Variants in GRM5 observed in about 807,000 individuals in gnomAD.
GRM5 encodes metabotropic glutamate receptor 5.
In GRM5, 19 loss-of-function variants were observed where a neutral mutation model predicts 83.1. The observed-to-expected ratio is 0.23, with a 90% CI of 0.16 to 0.34. The LOEUF (loss-of-function observed/expected upper bound fraction) is 0.34, where lower values mean the gene tolerates loss of function less well. GRM5 is among the 10% of genes least tolerant of loss of function. GRM5 has a pLI of 1.00. For synonymous variants in GRM5, 675 were observed against 633.6 expected (o/e 1.07, Z -0.98); for missense variants, 1,160 against 1,588.3 (o/e 0.73, Z 4.58).
intron 2 of GRM5, among the ~76,000 whole-genome samples, chr11:88,879,439 TAATA>T (rs1354229207): frequency 6.6e-6 from 1 of 151,450 alleles, no homozygotes; most frequent in African/African-American, 2.4e-5. Flanking sequence ...AATATTATAT[TAATA>T]ATTAATAAAA....
At chr11:88,796,899 CGTGTGTGT>C (rs36203408) in intron 3 of GRM5, among the ~76,000 whole-genome samples, 66,716 of 143,176 alleles carry the variant, frequency 0.47, 16,084 homozygotes, top group Middle Eastern at 0.59. Context: ...CACACACACA[CGTGTGTGT>C]GTGTGTGTGT....
chr11:88,802,549 C>T (rs1943417687), intron 3 of GRM5, among the ~76,000 whole-genome samples: 1 of 152,086 alleles, frequency 6.6e-6, no homozygotes, highest in Admixed American at 6.5e-5. Flanking sequence ...ATAATAAGAG[C>T]TATCTATGAC....
intron 8 of GRM5, among the ~76,000 whole-genome samples, chr11:88,542,517 GT>G (rs1445670534): frequency 2.0e-5 from 3 of 152,160 alleles, no homozygotes; most frequent in Non-Finnish European, 4.4e-5. Context: ...TGATGATCCT[GT>G]TTAAAAGAGA....
At chr11:88,807,675 C>G (rs572375010) in intron 3 of GRM5, among the ~76,000 whole-genome samples, 2 of 151,928 alleles carry the variant, frequency 1.3e-5, no homozygotes, top group Non-Finnish European at 2.9e-5. Context: ...AAGTCTGTCA[C>G]CAAAAGAGAG....
At chr11:88,588,786 G>GCAAA (rs753056158) in intron 7 of GRM5, among the ~76,000 whole-genome samples, 1 of 151,960 alleles carries the variant, frequency 6.6e-6, no homozygotes, top group Non-Finnish European at 1.5e-5. Context: ...TAGCCCATTA[G>GCAAA]CAAACAAAGA....
intron 7 of GRM5, among the ~76,000 whole-genome samples, chr11:88,575,690 G>T (rs1011447205): frequency 3.9e-5 from 6 of 152,292 alleles, no homozygotes; most frequent in African/African-American, 1.4e-4. Context: ...TGATTGATCA[G>T]TTGTTTTTCT....
intron 3 of GRM5, among the ~76,000 whole-genome samples, chr11:88,790,611 C>G (rs1943156164): frequency 6.6e-6 from 1 of 151,970 alleles, no homozygotes; most frequent in South Asian, 2.1e-4. Flanking sequence ...ATGTATGTGA[C>G]AGATAGATCA....
intron 2 of GRM5, among the ~76,000 whole-genome samples, chr11:88,862,794 A>C: frequency 6.6e-6 from 1 of 152,194 alleles, no homozygotes; most frequent in Non-Finnish European, 1.5e-5. Context: ...ATTTTTCCTG[A>C]TGCTCTTCCT....
intron 9 of GRM5, among the ~76,000 whole-genome samples, chr11:88,523,460 G>T (rs1941759912): frequency 6.6e-6 from 1 of 152,244 alleles, no homozygotes; most frequent in East Asian, 1.9e-4. Flanking sequence ...ATGCTACTTT[G>T]TTATATCTAA....
In GRM5 at chr11:88,576,503, CA is replaced by C. The variant is rs1417837093; in HGVS notation, c.1691-8512del. 2.0e-5 allele frequency among the ~76,000 whole-genome samples: 3 copies of C among 152,212 alleles called. No homozygotes were observed. The East Asian group carries it at 5.8e-4, about 29-fold the overall frequency. ...AATGAATGATTAACAAAGAAGAGGGCAAGTAAGGAATAAGGAGGCATGCCCT... is the reference window on the plus strand; with the variant it reads ...AATGAATGATTAACAAAGAAGAGGGCAGTAAGGAATAAGGAGGCATGCCCT... On this transcript the variant is annotated intron_variant, in intron 7 of 9. Transcript: ENST00000305447.
intron 2 of GRM5, among the ~76,000 whole-genome samples, chr11:88,979,624 C>A (rs1400341889): frequency 6.6e-6 from 1 of 152,092 alleles, no homozygotes; most frequent in Non-Finnish European, 1.5e-5. Flanking sequence ...TGTAGAAAAG[C>A]CTTCAGCTTT....
chr11:89,024,512 T>A (rs1941079946), intron 2 of GRM5, among the ~76,000 whole-genome samples: 1 of 152,224 alleles, frequency 6.6e-6, no homozygotes, highest in Non-Finnish European at 1.5e-5. Context: ...TCAAATAATG[T>A]AAGTTTTCAA....
At chr11:88,633,957 T>G (rs1350701730) in intron 4 of GRM5, among the ~76,000 whole-genome samples, 1 of 152,206 alleles carries the variant, frequency 6.6e-6, no homozygotes, top group Non-Finnish European at 1.5e-5. Context: ...ACCTACTAAA[T>G]ACATAAGCTA....
chr11:88,930,377 G>T (rs761693703), intron 2 of GRM5, among the ~76,000 whole-genome samples: 2 of 152,128 alleles, frequency 1.3e-5, no homozygotes, highest in African/African-American at 4.8e-5. Flanking sequence ...TTGTACCACT[G>T]TATTCCAGCC....
Position 88,681,485 on chromosome 11 carries a change from C to T in GRM5, c.912-28082G>A, listed in dbSNP as rs1467108630. ...CAGTGCTATTTGTTTTGGAACTACT[C>T]TTCTGAATTCTTATTTTTCCTTTTC... On this transcript the variant is annotated intron_variant, in intron 3 of 9. Coordinates refer to ENST00000305447, the MANE Select transcript of GRM5 (RefSeq NM_001143831.3). Among the ~76,000 whole-genome samples, 2 of 148,612 alleles carry T rather than the reference C, an allele frequency of 1.3e-5. 1 individual carries two copies. Among genetic ancestry groups the T allele is most frequent in the South Asian group, 4.3e-4 (2 of 4,682 alleles).
intron 4 of GRM5, among the ~76,000 whole-genome samples, chr11:88,631,198 A>G (rs1040118334): frequency 6.6e-6 from 1 of 152,220 alleles, no homozygotes; most frequent in Non-Finnish European, 1.5e-5. Flanking sequence ...TTAGCTTTTT[A>G]TAATATCTTA....
intron 7 of GRM5, among the ~76,000 whole-genome samples, chr11:88,586,456 T>G (rs1943317672): frequency 6.6e-6 from 1 of 152,136 alleles, no homozygotes; most frequent in Non-Finnish European, 1.5e-5. Flanking sequence ...TATGTACTGG[T>G]TGTTATTATC....
At chr11:88,753,667 C>T (rs1237161174) in intron 3 of GRM5, among the ~76,000 whole-genome samples, 1 of 152,116 alleles carries the variant, frequency 6.6e-6, no homozygotes, top group Non-Finnish European at 1.5e-5. Context: ...GACATGGAAT[C>T]AACCTAAATC....
At chr11:88,921,498 C>T (rs1945692424) in intron 2 of GRM5, among the ~76,000 whole-genome samples, 1 of 152,054 alleles carries the variant, frequency 6.6e-6, no homozygotes, top group African/African-American at 2.4e-5. Context: ...GGCATGGTGG[C>T]GGGCACCTGT....
Sources: allele counts gnomAD v4.1 joint callset (sites outside exome capture counted in the v4.1 genomes callset), GRCh38; gene constraint gnomAD v4.1.1; transcripts MANE v1.5; gene names NCBI Gene and HGNC (gene_info 2026-07-23, HGNC 2026-07-21).